The following COL4A5 variants were observed in gnomAD, a reference collection of about 807,000 sequenced individuals.
COL4A5 encodes the protein collagen alpha-5(IV) chain.
In COL4A5, 26 loss-of-function variants were observed where a neutral mutation model predicts 130.2. The ratio of observed to expected loss-of-function variants is 0.20; its 90% CI spans 0.15 to 0.28. The LOEUF (loss-of-function observed/expected upper bound fraction) is 0.28, where lower values mean the gene tolerates loss of function less well. Ranked by LOEUF, COL4A5 falls within the 10% of genes least tolerant of loss-of-function variation. The pLI, the probability that COL4A5 is intolerant of heterozygous loss-of-function variation, is 1.00. For synonymous variants in COL4A5, 496 were observed against 439.6 expected (o/e 1.13, Z -1.60); for missense variants, 1,131 against 1,344.3 (o/e 0.84, Z 2.48).
At chrX:108,665,232 A>G (rs1332285687) in intron 37 of COL4A5, among the ~76,000 whole-genome samples, 1 of 112,219 alleles carries the variant, frequency 8.9e-6, no homozygotes, top group Admixed American at 9.4e-5. Flanking sequence ...TTTTTAAGTT[A>G]TGGTATATTC....
intron 1 of COL4A5, among the ~76,000 whole-genome samples, chrX:108,473,633 A>ATATATATATATATTT: frequency 1.1e-3 from 39 of 34,552 alleles, no homozygotes; most frequent in Non-Finnish European, 1.8e-3. Context: ...ATATATATAT[A>ATATATATATATATTT]TTTTTTTTTT....
chrX:108,518,920 G>C (rs1337736533), intron 1 of COL4A5, among the ~76,000 whole-genome samples: 2 of 111,212 alleles, frequency 1.8e-5, no homozygotes, highest in African/African-American at 6.5e-5. Context: ...AAAATATCTT[G>C]GCTTTTGCTC....
Position 108,696,558 on chromosome X carries a change from C to A in COL4A5, c.*180C>A. The A allele has an allele frequency of 3.0e-6, 1 of 338,868 alleles. No individual in the cohort carries two copies. The highest frequency in any genetic ancestry group is 9.3e-5 in the South Asian group (1 of 10,738). The allele number at this position is 338,868 out of a possible 1,213,427, so 27.9% of individuals were successfully genotyped here. A position where few individuals can be genotyped will look rare whatever the true frequency, so the allele number is the denominator to read the frequency against. ...GATTCAGATGTACCTCAGCAATGCGCCAGAGCAAAGTCTCTATTATTTTTC... is the reference window on the plus strand; with the variant it reads ...GATTCAGATGTACCTCAGCAATGCGACAGAGCAAAGTCTCTATTATTTTTC... On this transcript the variant is annotated 3_prime_UTR_variant, in exon 53 of 53. Coordinates refer to ENST00000328300, the MANE Select transcript of COL4A5 (RefSeq NM_033380.3).
At chrX:108,562,395 G>T (rs184813554) in intron 3 of COL4A5, among the ~76,000 whole-genome samples, 23 of 112,049 alleles carry the variant, frequency 2.1e-4, no homozygotes, top group African/African-American at 6.5e-4. Context: ...CTTGCTGAGA[G>T]ATGGTAGTTT....
intron 40 of COL4A5, among the ~76,000 whole-genome samples, chrX:108,667,639 A>T (rs1307285112): frequency 4.5e-5 from 5 of 109,897 alleles, no homozygotes; most frequent in Non-Finnish European, 7.6e-5. Context: ...AGCACCAAAT[A>T]GTAGAAGGAC....
At chrX:108,486,877 G>T (rs148778132) in intron 1 of COL4A5, among the ~76,000 whole-genome samples, 38 of 112,297 alleles carry the variant, frequency 3.4e-4, no homozygotes, top group Non-Finnish European at 6.6e-4. Flanking sequence ...GAATTGTGCT[G>T]CTGTAAACAC....
At chrX:108,510,654 G>C (rs2065171995) in intron 1 of COL4A5, among the ~76,000 whole-genome samples, 1 of 111,223 alleles carries the variant, frequency 9.0e-6, no homozygotes, top group Non-Finnish European at 1.9e-5. Flanking sequence ...GAAAAGGGGA[G>C]GAAGGAATAA....
intron 2 of COL4A5, among the ~76,000 whole-genome samples, chrX:108,540,050 A>T (rs981994512): frequency 8.9e-6 from 1 of 111,913 alleles, no homozygotes; most frequent in South Asian, 3.7e-4. Flanking sequence ...TCTGTCACAT[A>T]TTCTTATTTA....
At chrX:108,595,981 A>G (rs952003691) in intron 22 of COL4A5, among the ~76,000 whole-genome samples, 1 of 111,521 alleles carries the variant, frequency 9.0e-6, no homozygotes, top group Non-Finnish European at 1.9e-5. Flanking sequence ...GATGTATCAC[A>G]TGTTGTTGTT....
chrX:108,482,663 A>T (rs1424232746), intron 1 of COL4A5, among the ~76,000 whole-genome samples: 1 of 111,746 alleles, frequency 8.9e-6, no homozygotes, highest in Non-Finnish European at 1.9e-5. Context: ...CTGTGCATGC[A>T]TCTTTCATTG....
chrX:108,450,662 T>G (rs1282591032), intron 1 of COL4A5, among the ~76,000 whole-genome samples: 3 of 110,934 alleles, frequency 2.7e-5, no homozygotes, highest in Non-Finnish European at 3.8e-5. Context: ...GTATTTTTTA[T>G]ATTGTACAAT....
At chrX:108,454,635 T>C (rs1437293729) in intron 1 of COL4A5, among the ~76,000 whole-genome samples, 1 of 111,589 alleles carries the variant, frequency 9.0e-6, no homozygotes, top group Non-Finnish European at 1.9e-5. Context: ...GTCTCATTAG[T>C]AATAGGAATG....
intron 36 of COL4A5, among the ~76,000 whole-genome samples, chrX:108,640,079 A>G (rs1385334609): frequency 8.9e-6 from 1 of 112,017 alleles, no homozygotes; most frequent in African/African-American, 3.2e-5. Context: ...CCTCAAAGAG[A>G]TGTTTTTGTA....
At chrX:108,580,893 C>T in intron 15 of COL4A5, 90 bp from the exon 16 acceptor site, 1 of 1,018,154 alleles carries the variant, frequency 9.8e-7, no homozygotes, top group Non-Finnish European at 1.4e-6. Flanking sequence ...ATAGTCCAAG[C>T]CAGGAATAAA....
intron 1 of COL4A5, among the ~76,000 whole-genome samples, chrX:108,500,503 G>T (rs986343533): frequency 5.3e-5 from 6 of 112,230 alleles, no homozygotes; most frequent in Admixed American, 9.5e-5. Context: ...CTTGATAGGG[G>T]AAAGGGAGAT....
At chrX:108,582,712 TTTC>T in intron 16 of COL4A5, 169 bp from the exon 17 acceptor site, 21 of 385,953 alleles carry the variant, frequency 5.4e-5, no homozygotes, top group South Asian at 1.9e-4. Flanking sequence ...TTTTTTTTTT[TTTC>T]TGAGAAAACA....
At chrX:108,635,607 A>G (rs1306602633) in intron 36 of COL4A5, among the ~76,000 whole-genome samples, 1 of 111,913 alleles carries the variant, frequency 8.9e-6, no homozygotes, top group African/African-American at 3.2e-5. Context: ...AACCCAGAAT[A>G]GTCAAAGAAA....
At chrX:108,526,622 T>TCTTTCTTTC (rs2065319139) in intron 1 of COL4A5, among the ~76,000 whole-genome samples, 2 of 63,841 alleles carry the variant, frequency 3.1e-5, no homozygotes, top group South Asian at 1.8e-3. Flanking sequence ...CTTTCTTTCT[T>TCTTTCTTTC]TCTTTCTTTC....
intron 6 of COL4A5, among the ~76,000 whole-genome samples, chrX:108,570,043 A>G (rs2066038484): frequency 1.8e-5 from 2 of 111,636 alleles, no homozygotes; most frequent in Admixed American, 9.6e-5. Context: ...AATAACTTGA[A>G]CAACTATTTT....
Sources: gnomAD v4.1 joint callset for allele counts (sites outside exome capture counted in the v4.1 genomes callset) on GRCh38, gnomAD v4.1.1 for gene constraint, MANE v1.5 for transcripts, NCBI Gene and HGNC (gene_info 2026-07-23, HGNC 2026-07-21) for gene names.